NCALD: variants seen among roughly 807,000 people sequenced by gnomAD.
NCALD encodes neurocalcin-delta.
NCALD carries 10 observed loss-of-function variants against 18.6 expected under a neutral mutation model. The ratio of observed to expected loss-of-function variants is 0.54; its 90% CI spans 0.33 to 0.91. The LOEUF (loss-of-function observed/expected upper bound fraction) is 0.91. Ranked by LOEUF, NCALD falls within the 40% of genes least tolerant of loss-of-function variation. The pLI is 0.03. For synonymous variants in NCALD, 88 were observed against 87.4 expected (o/e 1.01, Z -0.04); for missense variants, 184 against 247.6 (o/e 0.74, Z 1.72).
chr8:101,858,679 T>C, intron 4 of NCALD, among the ~76,000 whole-genome samples: 1 of 152,040 alleles, frequency 6.6e-6, no homozygotes, highest in East Asian at 1.9e-4. Flanking sequence ...AGAATAGCCC[T>C]AGGGAAAAGT....
intron 2 of NCALD, among the ~76,000 whole-genome samples, chr8:101,918,259 A>C (rs1006624346): frequency 6.6e-6 from 1 of 152,142 alleles, no homozygotes; most frequent in Non-Finnish European, 1.5e-5. Flanking sequence ...AAACACAAAA[A>C]GTTTTTGATA....
At chr8:101,873,566 A>G (rs1816106119) in intron 4 of NCALD, among the ~76,000 whole-genome samples, 1 of 152,230 alleles carries the variant, frequency 6.6e-6, no homozygotes, top group African/African-American at 2.4e-5. Context: ...ATAAAGAAGG[A>G]GTGGTTTAAA....
At chr8:101,922,502 C>T (rs1447977726) in intron 2 of NCALD, among the ~76,000 whole-genome samples, 1 of 152,196 alleles carries the variant, frequency 6.6e-6, no homozygotes, top group Non-Finnish European at 1.5e-5. Context: ...AGAGCAGGAA[C>T]ATGTAGGAGC....
intron 1 of NCALD, among the ~76,000 whole-genome samples, chr8:102,106,966 G>A (rs1333357160): frequency 6.6e-6 from 1 of 151,848 alleles, no homozygotes; most frequent in Non-Finnish European, 1.5e-5. Context: ...CCTGAGGCTG[G>A]AGGGTTTTGA....
intron 1 of NCALD, among the ~76,000 whole-genome samples, chr8:102,082,522 C>T (rs530400621): frequency 6.6e-6 from 1 of 152,212 alleles, no homozygotes; most frequent in South Asian, 2.1e-4. Flanking sequence ...GCATCCACAA[C>T]CGGCCACCTC....
At chr8:102,072,879 A>T (rs754030609) in intron 1 of NCALD, among the ~76,000 whole-genome samples, 2 of 152,150 alleles carry the variant, frequency 1.3e-5, no homozygotes, top group Non-Finnish European at 2.9e-5. Flanking sequence ...CATTTTTTTC[A>T]TAAGTGTAAA....
Position 101,866,047 on chromosome 8 carries a change from G to A in NCALD, c.-20+21094C>T, listed in dbSNP as rs76782993. 2.7e-4 allele frequency among the ~76,000 whole-genome samples: 41 copies of A among 152,194 alleles called. No homozygotes were observed. The East Asian group carries it at 7.6e-3, about 28-fold the overall frequency. Reference sequence around the variant, plus strand: ...ACATCCATTCCAGGATGATAGCCAGGCTAGAGTTGTTGAAGGAGCCTCAGC... The same window carrying A: ...ACATCCATTCCAGGATGATAGCCAGACTAGAGTTGTTGAAGGAGCCTCAGC... On this transcript the variant is annotated intron_variant, in intron 4 of 6. Coordinates refer to the NCALD transcript ENST00000311028.
intron 1 of NCALD, among the ~76,000 whole-genome samples, chr8:101,775,442 G>T (rs574361532): frequency 1.1e-4 from 17 of 152,250 alleles, no homozygotes; most frequent in Non-Finnish European, 2.1e-4. Context: ...ATCACCACAG[G>T]TTTTATAGAG....
At chr8:101,796,713 AT>A (rs1812651556) in intron 4 of NCALD, among the ~76,000 whole-genome samples, 1 of 152,234 alleles carries the variant, frequency 6.6e-6, no homozygotes, top group South Asian at 2.1e-4. Context: ...AATTTGAAAG[AT>A]GAGAGAAAAG....
At chr8:101,690,398 G>T (rs1167103223) in intron 3 of NCALD, 9 of 985,018 alleles carry the variant, frequency 9.1e-6, no homozygotes, top group Non-Finnish European at 1.1e-5. Context: ...CCCCAGAGAG[G>T]ATTTATTTCC....
chr8:101,691,798 G>A (rs1044583665), intron 3 of NCALD: 3 of 985,364 alleles, frequency 3.0e-6, no homozygotes, highest in Non-Finnish European at 2.4e-6. Flanking sequence ...TCTGTACTGC[G>A]AAGCCGCCTT....
intron 4 of NCALD, among the ~76,000 whole-genome samples, chr8:101,861,547 T>TA (rs142350365): frequency 7.8e-4 from 116 of 147,962 alleles, no homozygotes; most frequent in Non-Finnish European, 1.3e-3. Flanking sequence ...TATGTGATAT[T>TA]AAAAAAAAAA....
chr8:101,798,517 T>C (rs768676115), intron 4 of NCALD, among the ~76,000 whole-genome samples: 1 of 152,098 alleles, frequency 6.6e-6, no homozygotes, highest in Non-Finnish European at 1.5e-5. Context: ...AAGGTTCAAA[T>C]AAATGGAGAC....
intron 1 of NCALD, among the ~76,000 whole-genome samples, chr8:102,106,090 G>A (rs1303930951): frequency 1.3e-5 from 2 of 148,876 alleles, no homozygotes; most frequent in Admixed American, 6.7e-5. Context: ...TTTTTTTTGA[G>A]ATGGAGTTTC....
chr8:101,890,471 C>T (rs899329882), intron 3 of NCALD, among the ~76,000 whole-genome samples: 9 of 152,088 alleles, frequency 5.9e-5, no homozygotes, highest in African/African-American at 2.2e-4. Context: ...AAACTTAATC[C>T]CCAATGCAAC....
chr8:101,924,348 A>C (rs1051823721), intron 2 of NCALD, among the ~76,000 whole-genome samples: 2 of 152,174 alleles, frequency 1.3e-5, no homozygotes, highest in Non-Finnish European at 2.9e-5. Context: ...TTCACTCAAA[A>C]CATGGCATTT....
intron 1 of NCALD, among the ~76,000 whole-genome samples, chr8:101,781,219 C>T (rs1324498491): frequency 6.6e-6 from 1 of 152,026 alleles, no homozygotes; most frequent in Non-Finnish European, 1.5e-5. Context: ...GAATGGTTTG[C>T]TTTAACTACC....
chr8:101,758,486 A>C (rs374969431), intron 1 of NCALD, among the ~76,000 whole-genome samples: 2 of 152,232 alleles, frequency 1.3e-5, no homozygotes, highest in African/African-American at 4.8e-5. Flanking sequence ...TATTTCCTTG[A>C]ATCCCAATAC....
At chr8:101,708,335 T>A (rs951885024) in intron 2 of NCALD, among the ~76,000 whole-genome samples, 1 of 152,216 alleles carries the variant, frequency 6.6e-6, no homozygotes, top group South Asian at 2.1e-4. Flanking sequence ...GTCAAGAATA[T>A]CTCTTCTGTG....
Sources: gnomAD v4.1 joint callset for allele counts (sites outside exome capture counted in the v4.1 genomes callset) on GRCh38, gnomAD v4.1.1 for gene constraint, MANE v1.5 for transcripts, NCBI Gene and HGNC (gene_info 2026-07-23, HGNC 2026-07-21) for gene names.